Variants in GABRE observed in about 807,000 individuals in gnomAD.
GABRE encodes the protein gamma-aminobutyric acid receptor subunit epsilon.
A neutral mutation model predicts 31.0 loss-of-function variants in GABRE; 20 were observed. The ratio of observed to expected loss-of-function variants is 0.64; its 90% CI spans 0.45 to 0.94. The LOEUF (loss-of-function observed/expected upper bound fraction) is 0.94, where lower values mean the gene tolerates loss of function less well. Ranked by LOEUF, GABRE falls within the 40% of genes least tolerant of loss-of-function variation. The pLI is 0.00. For synonymous variants in GABRE, 155 were observed against 150.6 expected (o/e 1.03, Z -0.21); for missense variants, 420 against 410.7 (o/e 1.02, Z -0.20).
At chrX:151,961,847 C>CAAAACA (rs201359389) in intron 4 of GABRE, among the ~76,000 whole-genome samples, 1 of 109,705 alleles carries the variant, frequency 9.1e-6, no homozygotes, top group African/African-American at 3.3e-5. Context: ...CAAAACAAAA[C>CAAAACA]AAACAAACAG....
chrX:151,963,672 C>T (rs760683841), intron 3 of GABRE, among the ~76,000 whole-genome samples: 1 of 112,425 alleles, frequency 8.9e-6, no homozygotes, highest in South Asian at 3.7e-4. Context: ...ATTAATGCAG[C>T]TGAATTAAGG....
At position 151,954,837 on chromosome X, in the gene GABRE, T is replaced by G. The variant is rs1309765982; in HGVS notation, c.1385A>C (p.Asp462Ala). Residue 462 changes from aspartate (D) to alanine (A), a missense_variant, in exon 9 of 9, where the codon GAT becomes GCT. Transcript: ENST00000370328. Reference protein sequence around the residue: ...RFKKYFCMVPDCEGSTWQQGR... With the variant: ...RFKKYFCMVPACEGSTWQQGR... Reference sequence around the variant, plus strand: ...CTGCTGCCAGGTACTGCCCTCACAATCGGGGACCATGCAGAAGTACTTCTT... The same window carrying G: ...CTGCTGCCAGGTACTGCCCTCACAAGCGGGGACCATGCAGAAGTACTTCTT... The G allele has an allele frequency of 1.7e-6, 2 of 1,211,818 alleles. No homozygotes were observed. The highest frequency in any genetic ancestry group is 2.2e-5 in the Admixed American group (1 of 46,058).
At chrX:151,963,016 C>T (rs1035649314) in intron 3 of GABRE, among the ~76,000 whole-genome samples, 5 of 112,231 alleles carry the variant, frequency 4.5e-5, no homozygotes, top group African/African-American at 9.7e-5. Flanking sequence ...CTACTACTTT[C>T]TCTTAGAATC....
rs181857376 is a variant in GABRE at position 151,959,749 on chromosome X, A to G, written c.784+90T>C. ...AGGAGCCATGTCTTACAATGTTTGC[A>G]CGGGATGACTGCAAAGCATTTGTAT... On this transcript the variant is annotated intron_variant, in intron 6 of 8. Coordinates refer to ENST00000370328, the MANE Select transcript of GABRE (RefSeq NM_004961.4). The G allele has an allele frequency of 4.1e-6, 4 of 974,431 alleles. No homozygotes were observed. In the East Asian group the frequency reaches 9.3e-5, roughly 23 times the overall value. 80.3% of individuals were successfully genotyped at this position (974,431 alleles called of 1,213,427 possible). A position where few individuals can be genotyped will look rare whatever the true frequency, so the allele number is the denominator to read the frequency against.
chrX:151,955,684 G>C (rs1934142107), intron 7 of GABRE, 24 bp downstream of exon 7: 3 of 1,209,015 alleles, frequency 2.5e-6, no homozygotes, highest in African/African-American at 1.7e-5. Context: ...ATGTGCCTAT[G>C]CGTATACCTG....
Position 151,957,408 on chromosome X carries a change from G to A in GABRE, c.785-1548C>T, listed in dbSNP as rs1424035122. ...AGCTTTGGGATAGAACTCCTCCAGAGCTGCTGCACGGACCACCCTCGCACT... is the reference window on the plus strand; with the variant it reads ...AGCTTTGGGATAGAACTCCTCCAGAACTGCTGCACGGACCACCCTCGCACT... On this transcript the variant is annotated intron_variant, in intron 6 of 8. Transcript: ENST00000370328. The A allele has an allele frequency of 1.2e-5, 4 of 325,677 alleles. No homozygotes were observed. The East Asian group carries it at 3.9e-4, about 32-fold the overall frequency. 26.8% of individuals were successfully genotyped at this position (325,677 alleles called of 1,213,427 possible).
intron 3 of GABRE, among the ~76,000 whole-genome samples, chrX:151,965,974 G>A (rs1487335823): frequency 8.9e-6 from 1 of 112,353 alleles, no homozygotes; most frequent in Non-Finnish European, 1.9e-5. Context: ...TGTCCCAAGT[G>A]GCTGGCAGTC....
At chrX:151,963,073 C>T (rs1423153086) in intron 3 of GABRE, among the ~76,000 whole-genome samples, 1 of 112,322 alleles carries the variant, frequency 8.9e-6, no homozygotes, top group East Asian at 2.8e-4. Context: ...AGTTTCGGTT[C>T]CAGAGGAGAG....
chrX:151,967,450 T>C (rs1018504382), intron 3 of GABRE, among the ~76,000 whole-genome samples: 2 of 111,721 alleles, frequency 1.8e-5, no homozygotes, highest in African/African-American at 6.5e-5. Context: ...CCAGCTAGAA[T>C]AGCATCGTGA....
At chrX:151,961,639 T>C (rs1934377268) in intron 4 of GABRE, among the ~76,000 whole-genome samples, 1 of 110,904 alleles carries the variant, frequency 9.0e-6, no homozygotes, top group African/African-American at 3.3e-5. Flanking sequence ...TTTGCATTTT[T>C]AGTGGAGACA....
intron 3 of GABRE, among the ~76,000 whole-genome samples, chrX:151,962,893 TG>T (rs753714922): frequency 9.0e-6 from 1 of 111,615 alleles, no homozygotes; most frequent in South Asian, 3.8e-4. Flanking sequence ...AAGTCAGTCA[TG>T]CCCTGCTTGA....
At chrX:151,963,289 T>C (rs181878367) in intron 3 of GABRE, among the ~76,000 whole-genome samples, 50 of 112,261 alleles carry the variant, frequency 4.5e-4, no homozygotes, top group Admixed American at 4.0e-3. Context: ...CTGAGTCTTT[T>C]CTCTAGGGTA....
rs1352436496 is a variant in GABRE at position 151,953,723 on chromosome X, CA to C, written c.*977del. 8.9e-6 allele frequency: 1 copy of C among 111,847 alleles called. No individual in the cohort carries two copies. The highest frequency in any genetic ancestry group is 3.3e-5 in the African/African-American group (1 of 30,705). 9.2% of individuals were successfully genotyped at this position (111,847 alleles called of 1,213,427 possible). On this transcript the variant is annotated 3_prime_UTR_variant, in exon 9 of 9. Coordinates refer to ENST00000370328, the MANE Select transcript of GABRE (RefSeq NM_004961.4). ...CTGGTTTATGGGTCCAGGGGTCAAG[CA>C]AGTGATAGAACTCCGACAGTGTGCC...
intron 1 of GABRE, 50 bp downstream of exon 1, chrX:151,974,520 G>T (rs200865489): frequency 1.1e-6 from 1 of 938,419 alleles, no homozygotes. Flanking sequence ...GGCTCCCGGG[G>T]AGAGGGAGCT....
chrX:151,959,527 G>C, intron 6 of GABRE: 1 of 380,324 alleles, frequency 2.6e-6, no homozygotes, highest in Non-Finnish European at 5.1e-6. Flanking sequence ...AAAGAGGTCA[G>C]AGTTGTAACC....
intron 1 of GABRE, chrX:151,971,500 A>G (rs1055860699): frequency 1.7e-4 from 26 of 155,636 alleles, no homozygotes; most frequent in Non-Finnish European, 3.2e-4. Context: ...TTTTGGTGTA[A>G]TTATGGTATT....
intron 3 of GABRE, among the ~76,000 whole-genome samples, chrX:151,967,374 A>G (rs1934556605): frequency 8.9e-6 from 1 of 112,010 alleles, no homozygotes; most frequent in African/African-American, 3.2e-5. Flanking sequence ...CTGTGGACTG[A>G]GCACTACATT....
chrX:151,964,143 T>C (rs976594224), intron 3 of GABRE, among the ~76,000 whole-genome samples: 2 of 112,108 alleles, frequency 1.8e-5, no homozygotes, highest in Non-Finnish European at 3.8e-5. Flanking sequence ...TAGAATTGTT[T>C]CCATTTATAA....
At chrX:151,968,712 A>G (rs1351012944) in intron 3 of GABRE, among the ~76,000 whole-genome samples, 1 of 112,024 alleles carries the variant, frequency 8.9e-6, no homozygotes, top group Non-Finnish European at 1.9e-5. Context: ...TGATTCTTGC[A>G]GAGCATCATT....
Sources: gnomAD v4.1 joint callset for allele counts (sites outside exome capture counted in the v4.1 genomes callset) on GRCh38, gnomAD v4.1.1 for gene constraint, MANE v1.5 for transcripts, NCBI Gene and HGNC (gene_info 2026-07-23, HGNC 2026-07-21) for gene names.